The following RALGAPA1 variants were observed in gnomAD, a reference collection of about 807,000 sequenced individuals.
The protein encoded by RALGAPA1 is Ral GTPase activating protein catalytic subunit alpha 1, also known as ral GTPase-activating protein subunit alpha-1.
RALGAPA1 carries 52 observed loss-of-function variants against 269.6 expected under a neutral mutation model. The observed-to-expected ratio is 0.19, with a 90% CI of 0.15 to 0.24. The LOEUF (loss-of-function observed/expected upper bound fraction) is 0.24, where lower values mean the gene tolerates loss of function less well. Among genes scored for constraint, RALGAPA1 ranks in the 10% least tolerant of loss-of-function variants. The pLI, the probability that RALGAPA1 is intolerant of heterozygous loss-of-function variation, is 1.00. For missense variants in RALGAPA1, 1,917 were observed against 3,013.9 expected (o/e 0.64, Z 8.52); for synonymous variants, 817 against 1,008.3 (o/e 0.81, Z 3.60).
At chr14:35,655,760 T>C (rs1158090797) in intron 29 of RALGAPA1, 47 bp downstream of exon 29, 1 of 1,571,342 alleles carries the variant, frequency 6.4e-7, no homozygotes, top group Non-Finnish European at 8.6e-7. Flanking sequence ...GAAAAAAATA[T>C]GCATTCTCTC....
chr14:35,753,281 T>C (rs919357893), intron 7 of RALGAPA1, among the ~76,000 whole-genome samples: 1 of 152,172 alleles, frequency 6.6e-6, no homozygotes, highest in African/African-American at 2.4e-5. Flanking sequence ...CATTAACACA[T>C]GAATTCACAG....
intron 6 of RALGAPA1, among the ~76,000 whole-genome samples, chr14:35,758,605 G>T (rs2044701416): frequency 6.6e-6 from 1 of 152,136 alleles, no homozygotes; most frequent in African/African-American, 2.4e-5. Flanking sequence ...TGGTGTGGTG[G>T]TGTGCATCTG....
rs773722682 is a variant in RALGAPA1 at position 35,791,904 on chromosome 14, C to CAAAAA, written c.107-16164_107-16160dup. On this transcript the variant is annotated intron_variant, in intron 1 of 41. Coordinates refer to ENST00000680220, the MANE Select transcript of RALGAPA1 (RefSeq NM_001346249.2). The stretch of plus-strand genomic sequence containing the variant: ...TGGCCGACAGAGCGAGACTCTGTCT[C>CAAAAA]AAAAAAAAAAAAAAAAAAAAAAAAA... Among the ~76,000 whole-genome samples the CAAAAA allele has an allele frequency of 5.7e-3, 67 of 11,772 alleles. 15 individuals are homozygous for CAAAAA. The highest frequency in any genetic ancestry group is 0.013 in the African/African-American group (58 of 4,328). The allele number at this position is 11,772 out of a possible 152,430, so 7.7% of individuals were successfully genotyped here.
chr14:35,548,606 G>C, intron 40 of RALGAPA1, 68 bp from the exon 41 acceptor site: 1 of 1,079,404 alleles, frequency 9.3e-7, no homozygotes, highest in East Asian at 2.5e-5. Flanking sequence ...AAGGCCACGA[G>C]TCATTTATTT....
intron 4 of RALGAPA1, among the ~76,000 whole-genome samples, chr14:35,769,065 T>TACACAC (rs1555434158): frequency 3.1e-4 from 24 of 77,778 alleles, no homozygotes; most frequent in African/African-American, 1.1e-3. Context: ...TATATATATA[T>TACACAC]ACACACACAT....
At chr14:35,701,319 A>G (rs538339240) in intron 16 of RALGAPA1, among the ~76,000 whole-genome samples, 27 of 152,346 alleles carry the variant, frequency 1.8e-4, no homozygotes, top group African/African-American at 6.5e-4. Context: ...GGCAAAATAA[A>G]TAGTTTGAAT....
intron 16 of RALGAPA1, among the ~76,000 whole-genome samples, chr14:35,705,427 T>C (rs1357658470): frequency 6.6e-6 from 1 of 152,102 alleles, no homozygotes; most frequent in Non-Finnish European, 1.5e-5. Flanking sequence ...TTTGAAATCA[T>C]ACAGTATGTA....
intron 12 of RALGAPA1, among the ~76,000 whole-genome samples, chr14:35,734,409 C>G (rs1305655296): frequency 2.6e-5 from 4 of 152,136 alleles, no homozygotes; most frequent in Admixed American, 2.0e-4. Flanking sequence ...CAAATACTTA[C>G]AGCCAACTGA....
At chr14:35,757,278 T>C (rs913003152) in intron 6 of RALGAPA1, among the ~76,000 whole-genome samples, 9 of 151,896 alleles carry the variant, frequency 5.9e-5, no homozygotes, top group Admixed American at 1.3e-4. Context: ...CCTGCCACCA[T>C]GCCCAGCTAA....
intron 6 of RALGAPA1, among the ~76,000 whole-genome samples, chr14:35,760,232 G>T (rs933914433): frequency 3.3e-5 from 5 of 152,044 alleles, no homozygotes; most frequent in African/African-American, 9.7e-5. Context: ...GGGCTTTACT[G>T]ACTCTAGAGT....
intron 35 of RALGAPA1, among the ~76,000 whole-genome samples, chr14:35,617,202 C>T (rs1339531275): frequency 2.0e-5 from 3 of 152,080 alleles, no homozygotes; most frequent in Non-Finnish European, 2.9e-5. Context: ...AGGAGGGGGA[C>T]TGGGAATGGT....
intron 29 of RALGAPA1, among the ~76,000 whole-genome samples, chr14:35,655,174 T>C (rs80315331): frequency 2.5e-4 from 38 of 152,274 alleles, no homozygotes; most frequent in African/African-American, 8.7e-4. Flanking sequence ...ATGTGCCTCA[T>C]AGTAAATATT....
intron 8 of RALGAPA1, 90 bp from the exon 9 acceptor site, chr14:35,750,780 T>C: frequency 9.1e-7 from 1 of 1,097,716 alleles, no homozygotes; most frequent in African/African-American, 1.6e-5. Flanking sequence ...GAGAAAATAT[T>C]GTTATGCTAC....
intron 16 of RALGAPA1, among the ~76,000 whole-genome samples, chr14:35,700,801 AG>A (rs2067274248): frequency 1.3e-5 from 2 of 152,226 alleles, no homozygotes; most frequent in Admixed American, 6.5e-5. Context: ...AATCACTCAC[AG>A]GTCTTTCTTA....
chr14:35,553,785 T>C (rs772031639), intron 39 of RALGAPA1, among the ~76,000 whole-genome samples: 5 of 152,164 alleles, frequency 3.3e-5, no homozygotes, highest in Non-Finnish European at 7.3e-5. Flanking sequence ...TCCTCTTAAG[T>C]TCAGGTTTCA....
intron 27 of RALGAPA1, among the ~76,000 whole-genome samples, chr14:35,660,472 A>G (rs1309374180): frequency 6.6e-6 from 1 of 152,112 alleles, no homozygotes; most frequent in Non-Finnish European, 1.5e-5. Flanking sequence ...CTGTACGCGG[A>G]AAACTATAAA....
At position 35,688,474 on chromosome 14, in the gene RALGAPA1, C is replaced by T; in HGVS notation, c.3937G>A (p.Gly1313Arg). The T allele has an allele frequency of 6.5e-7, 1 of 1,536,108 alleles. No homozygotes were observed. Among genetic ancestry groups the T allele is most frequent in the Non-Finnish European group, 8.7e-7 (1 of 1,146,884 alleles). ...TAGTGCTCACCTGCAGCTTTCCTTCCAAAATAGCCCATTACATGACTGTAC... is the reference window on the plus strand; with the variant it reads ...TAGTGCTCACCTGCAGCTTTCCTTCTAAAATAGCCCATTACATGACTGTAC... ...DLYSHVMGYF[G>R]RKAAVNKEDM... The change falls in exon 18 of 42, where the codon GGA (glycine) becomes AGA (arginine). Residue 1313 changes from glycine (G) to arginine (R), a missense_variant. Transcript: ENST00000680220.
intron 3 of RALGAPA1, among the ~76,000 whole-genome samples, chr14:35,773,859 A>T (rs2074816725): frequency 6.6e-6 from 1 of 152,052 alleles, no homozygotes; most frequent in South Asian, 2.1e-4. Context: ...GAGACATATA[A>T]ATGAGGTTGT....
chr14:35,629,285 GT>G (rs1410402823), intron 33 of RALGAPA1, among the ~76,000 whole-genome samples: 481 of 36,500 alleles, frequency 0.013, 3 homozygotes, highest in African/African-American at 0.027. Flanking sequence ...TTTAGGGGGT[GT>G]GTGTGTGTGT....
Sources: allele counts gnomAD v4.1 joint callset (sites outside exome capture counted in the v4.1 genomes callset), GRCh38; gene constraint gnomAD v4.1.1; transcripts MANE v1.5; gene names NCBI Gene and HGNC (gene_info 2026-07-23, HGNC 2026-07-21).